Variants in OTOA observed in about 807,000 individuals in gnomAD.
The protein encoded by OTOA is otoancorin, also known as cancer/testis antigen 108.
OTOA carries 70 observed loss-of-function variants against 110.8 expected under a neutral mutation model. That is an observed-to-expected ratio of 0.63 (90% CI 0.52 to 0.77). OTOA has a LOEUF of 0.77. Among genes scored for constraint, OTOA ranks in the 30% least tolerant of loss-of-function variants. The probability of loss-of-function intolerance (pLI) is 0.00; values close to 1 mark genes in which losing one functional copy is unlikely to be tolerated. For synonymous variants in OTOA, 373 were observed against 431.5 expected (o/e 0.86, Z 1.68); for missense variants, 917 against 1,075.8 (o/e 0.85, Z 2.06).
rs199784207 is a variant in OTOA at position 21,722,998 on chromosome 16, C to A, written c.1880+20C>A. ...ACTCCCGTAAGTGAACATCAGCCCC[C>A]ACCTTCTGGCTCATCAGTGAGATCG... On this transcript the variant is annotated intron_variant, in intron 18 of 28. Transcript: ENST00000646100. 6.1e-5 allele frequency: 99 copies of A among 1,611,452 alleles called. No individual in the cohort carries two copies. The Middle Eastern group carries it at 1.8e-3, about 30-fold the overall frequency.
chr16:21,670,150 A>G lies in OTOA; in HGVS notation c.-5+5918A>G, dbSNP rs191502196. ...CAAACAAAACAAAACAAAAACAAAA[A>G]CAAGTCAGAGCATCCATCCTGGCTA... On this transcript the variant is annotated intron_variant, in intron 1 of 28. Coordinates refer to ENST00000646100, the MANE Select transcript of OTOA (RefSeq NM_144672.4). Among the ~76,000 whole-genome samples the G allele has an allele frequency of 2.4e-3, 358 of 151,410 alleles. 1 individual carries two copies. Among genetic ancestry groups the G allele is most frequent in the Non-Finnish European group, 3.6e-3 (245 of 67,836 alleles).
intron 9 of OTOA, among the ~76,000 whole-genome samples, chr16:21,693,451 A>G (rs1015819866): frequency 5.9e-5 from 9 of 152,232 alleles, no homozygotes; most frequent in African/African-American, 2.2e-4. Context: ...AGGAAACAAA[A>G]CAAAGTCTCT....
chr16:21,728,476 G>A lies in OTOA; in HGVS notation c.2207+45G>A, dbSNP rs199915858. On this transcript the variant is annotated intron_variant, in intron 20 of 28. Transcript: ENST00000646100. ...GGCTTTTGGTGGTGTGGTATGCTCT[G>A]TGGAGGGACACTCAACCTTGGCTCT... 1.1e-5 allele frequency: 18 copies of A among 1,593,782 alleles called. No homozygotes were observed. In the African/African-American group the frequency reaches 1.9e-4, roughly 17 times the overall value.
At chr16:21,739,050 G>A (rs78860823) in intron 22 of OTOA, among the ~76,000 whole-genome samples, 3,635 of 150,622 alleles carry the variant, frequency 0.024, no homozygotes, top group East Asian at 0.23. Context: ...CCATGCTCAG[G>A]GGAAGGAAGC....
intron 8 of OTOA, among the ~76,000 whole-genome samples, chr16:21,689,293 T>A (rs1897782157): frequency 1.3e-5 from 2 of 152,320 alleles, no homozygotes; most frequent in South Asian, 4.1e-4. Context: ...ACAGACAGTA[T>A]GCTGACCTCA....
chr16:21,672,976 C>T (rs756121377), intron 1 of OTOA, among the ~76,000 whole-genome samples: 1 of 151,978 alleles, frequency 6.6e-6, no homozygotes, highest in Non-Finnish European at 1.5e-5. Flanking sequence ...AGCAAGAACC[C>T]ATTTCTACAA....
rs916653976 is a variant in OTOA at position 21,726,803 on chromosome 16, G to T, written c.2016+145G>T. 6 of 1,201,696 alleles carry T rather than the reference G, an allele frequency of 5.0e-6. No individual in the cohort carries two copies. In the East Asian group the frequency reaches 9.6e-5, roughly 19 times the overall value. The allele number at this position is 1,201,696 out of a possible 1,614,324, so 74.4% of individuals were successfully genotyped here. A position where few individuals can be genotyped will look rare whatever the true frequency, so the allele number is the denominator to read the frequency against. On this transcript the variant is annotated intron_variant, in intron 19 of 28. Transcript: ENST00000646100. ...GGGTCTTGAAGCTTACTCTAAAGTT[G>T]CTGGTTGGAACAATCTTTTCCATTG... is the stretch of plus-strand genomic sequence containing the variant.
At chr16:21,676,022 G>A (rs1966857017) in intron 1 of OTOA, among the ~76,000 whole-genome samples, 1 of 152,104 alleles carries the variant, frequency 6.6e-6, no homozygotes, top group Non-Finnish European at 1.5e-5. Flanking sequence ...CAACTTTCCA[G>A]GCTTCAGTGA....
intron 12 of OTOA, among the ~76,000 whole-genome samples, chr16:21,705,782 A>G (rs1282768718): frequency 1.3e-5 from 2 of 152,126 alleles, no homozygotes; most frequent in Non-Finnish European, 2.9e-5. Context: ...TGTCTCTACT[A>G]AAAATACAAA....
intron 21 of OTOA, among the ~76,000 whole-genome samples, chr16:21,732,332 T>C (rs1361572517): frequency 6.6e-6 from 1 of 152,226 alleles, no homozygotes; most frequent in Admixed American, 6.5e-5. Flanking sequence ...TTTAGATGTT[T>C]ATTATTATTT....
At chr16:21,695,886 TA>T (rs1897925271) in intron 9 of OTOA, among the ~76,000 whole-genome samples, 81 of 60,810 alleles carry the variant, frequency 1.3e-3, no homozygotes, top group Middle Eastern at 6.6e-3. Context: ...TATATATATA[TA>T]TATATTTTTT....
chr16:21,684,897 G>T (rs552688319), intron 6 of OTOA, among the ~76,000 whole-genome samples: 13 of 151,786 alleles, frequency 8.6e-5, no homozygotes, highest in Non-Finnish European at 1.5e-4. Context: ...GACTACAGGC[G>T]TGCGCCACCA....
chr16:21,678,898 C>G lies in OTOA; in HGVS notation c.92-17C>G, dbSNP rs180736579. 6.2e-6 allele frequency: 10 copies of G among 1,612,206 alleles called. No homozygotes were observed. The Admixed American group carries it at 8.3e-5, about 13-fold the overall frequency. ...CACAATTCAATTCTAGTTATACATTCAATGGCTTTCTTACAGATTTGCATC... is the reference window on the plus strand; with the variant it reads ...CACAATTCAATTCTAGTTATACATTGAATGGCTTTCTTACAGATTTGCATC... On this transcript the variant is annotated splice_polypyrimidine_tract_variant and intron_variant, in intron 2 of 28. Transcript: ENST00000646100.
chr16:21,694,685 C>G (rs1287973675), intron 9 of OTOA, among the ~76,000 whole-genome samples: 2 of 152,072 alleles, frequency 1.3e-5, no homozygotes, highest in Admixed American at 1.3e-4. Context: ...TACAAAGGCC[C>G]TGAGATGGGA....
intron 13 of OTOA, among the ~76,000 whole-genome samples, chr16:21,712,693 A>ACT (rs2141692648): frequency 6.6e-6 from 1 of 151,060 alleles, no homozygotes; most frequent in East Asian, 2.0e-4. Flanking sequence ...AAAAAAAAAA[A>ACT]AATTAGCTGG....
intron 19 of OTOA, 148 bp from the exon 20 acceptor site, chr16:21,728,093 G>A (rs1415939988): frequency 6.3e-6 from 6 of 950,240 alleles, no homozygotes; most frequent in Non-Finnish European, 9.9e-6. Flanking sequence ...TCGAACTCCT[G>A]GCCTCAAATG....
intron 17 of OTOA, among the ~76,000 whole-genome samples, chr16:21,722,275 A>AC (rs1224669346): frequency 1.3e-5 from 2 of 150,332 alleles, no homozygotes; most frequent in Admixed American, 6.7e-5. Context: ...AAAAACAAAA[A>AC]AAAAAAACAC....
intron 17 of OTOA, chr16:21,721,595 A>G: frequency 2.3e-6 from 1 of 428,620 alleles, no homozygotes; most frequent in East Asian, 7.2e-5. Context: ...TTTCTTTTAT[A>G]TATAAAATAT....
chr16:21,697,405 G>C (rs969994998), intron 9 of OTOA, among the ~76,000 whole-genome samples: 1 of 152,108 alleles, frequency 6.6e-6, no homozygotes, highest in Admixed American at 6.6e-5. Flanking sequence ...GCAAGAGGCG[G>C]GCAGATCACC....
Sources: allele counts gnomAD v4.1 joint callset (sites outside exome capture counted in the v4.1 genomes callset), GRCh38; gene constraint gnomAD v4.1.1; transcripts MANE v1.5; gene names NCBI Gene and HGNC (gene_info 2026-07-23, HGNC 2026-07-21).